GPBP1L1: variants seen among roughly 807,000 people sequenced by gnomAD.
GPBP1L1 encodes vasculin-like protein 1.
A neutral mutation model predicts 52.5 loss-of-function variants in GPBP1L1; 23 were observed. The observed-to-expected ratio is 0.44, with a 90% CI of 0.32 to 0.62. The LOEUF is 0.62. Ranked by LOEUF, GPBP1L1 falls within the 20% of genes least tolerant of loss-of-function variation. GPBP1L1 has a pLI of 0.06. For synonymous variants in GPBP1L1, 243 were observed against 203.1 expected (o/e 1.20, Z -1.67); for missense variants, 596 against 579.3 (o/e 1.03, Z -0.30).
chr1:45,679,277 A>G (rs974369596), intron 2 of GPBP1L1, among the ~76,000 whole-genome samples: 3 of 152,150 alleles, frequency 2.0e-5, no homozygotes, highest in African/African-American at 7.2e-5. Context: ...AACACGAAAA[A>G]CCAAAGGAAG....
intron 2 of GPBP1L1, among the ~76,000 whole-genome samples, chr1:45,679,112 G>T (rs1367856442): frequency 6.6e-6 from 1 of 152,132 alleles, no homozygotes; most frequent in Admixed American, 6.5e-5. Flanking sequence ...CTGATGTCCA[G>T]GCCTTACCCC....
intron 6 of GPBP1L1, among the ~76,000 whole-genome samples, chr1:45,642,998 T>G (rs1017614344): frequency 2.0e-5 from 3 of 152,162 alleles, no homozygotes; most frequent in African/African-American, 7.2e-5. Flanking sequence ...GGTCACAGTT[T>G]TGCTATAAAA....
At chr1:45,664,790 T>C (rs1644990305) in intron 2 of GPBP1L1, among the ~76,000 whole-genome samples, 1 of 151,366 alleles carries the variant, frequency 6.6e-6, no homozygotes, top group African/African-American at 2.4e-5. Context: ...GCAATTCTCA[T>C]GCCTCAGCCT....
chr1:45,632,572 T>G (rs1047711418), intron 10 of GPBP1L1, among the ~76,000 whole-genome samples: 2 of 151,238 alleles, frequency 1.3e-5, no homozygotes, highest in African/African-American at 4.9e-5. Flanking sequence ...AAAAATTAGC[T>G]GGGCGTGGTG....
chr1:45,675,817 A>C (rs1395767061), intron 2 of GPBP1L1, among the ~76,000 whole-genome samples: 3 of 152,236 alleles, frequency 2.0e-5, no homozygotes, highest in Non-Finnish European at 4.4e-5. Flanking sequence ...CTAGGATTAC[A>C]GGCATGAGCC....
chr1:45,679,856 G>C (rs3014231), intron 2 of GPBP1L1, among the ~76,000 whole-genome samples: 147,796 of 147,800 alleles, frequency 1, 73,896 homozygotes, highest in Middle Eastern at 1. Flanking sequence ...AAGTTCAAGA[G>C]CAGCCTGGAC....
chr1:45,674,330 A>G (rs1369959832), intron 2 of GPBP1L1, among the ~76,000 whole-genome samples: 2 of 152,242 alleles, frequency 1.3e-5, no homozygotes, highest in South Asian at 2.1e-4. Context: ...TAAAGACAGT[A>G]TGTCATAAAA....
chr1:45,634,112 A>C lies in GPBP1L1; in HGVS notation c.869T>G (p.Leu290Arg). The C allele has an allele frequency of 6.2e-7, 1 of 1,611,932 alleles. No individual in the cohort carries two copies. Among genetic ancestry groups the C allele is most frequent in the Non-Finnish European group, 8.5e-7 (1 of 1,178,590 alleles). Reference sequence around the variant, plus strand: ...CTCACTCACCTCTTTGGGAGAACTCAGAGCTGCACCACTAGCCAGTACCAC... The same window carrying C: ...CTCACTCACCTCTTTGGGAGAACTCCGAGCTGCACCACTAGCCAGTACCAC... ...KPVVLASGAA[L>R]SSPKESPSST... The change falls in exon 9 of 13, where the codon CTG becomes CGG. Residue 290 changes from leucine (L) to arginine (R), a missense_variant. Coordinates refer to ENST00000355105, the MANE Select transcript of GPBP1L1 (RefSeq NM_021639.5).
At chr1:45,658,568 T>C (rs577636704) in intron 4 of GPBP1L1, among the ~76,000 whole-genome samples, 4 of 152,360 alleles carry the variant, frequency 2.6e-5, no homozygotes, top group African/African-American at 4.8e-5. Flanking sequence ...TACATCCTTC[T>C]AACAGAAAGC....
intron 6 of GPBP1L1, 95 bp from the exon 7 acceptor site, chr1:45,642,594 T>A: frequency 1.3e-6 from 1 of 792,260 alleles, no homozygotes; most frequent in Non-Finnish European, 2.2e-6. Flanking sequence ...ATCAAATAAT[T>A]ACATATTTTA....
chr1:45,636,629 G>A (rs1015662679), intron 8 of GPBP1L1, among the ~76,000 whole-genome samples: 3 of 152,076 alleles, frequency 2.0e-5, no homozygotes, highest in African/African-American at 7.2e-5. Flanking sequence ...GCTTTCTAAT[G>A]AACTACTGTA....
intron 10 of GPBP1L1, among the ~76,000 whole-genome samples, chr1:45,632,396 C>G (rs967466376): frequency 6.6e-6 from 1 of 151,924 alleles, no homozygotes; most frequent in African/African-American, 2.4e-5. Context: ...GAGTGAAACT[C>G]CATCTCAAAA....
At chr1:45,654,856 T>C (rs1056756716) in intron 5 of GPBP1L1, 27 bp from the exon 6 acceptor site, 2 of 1,597,322 alleles carry the variant, frequency 1.3e-6, no homozygotes, top group African/African-American at 2.7e-5. Flanking sequence ...AAGGACTAAT[T>C]AGATTGTTTG....
chr1:45,649,493 C>T lies in GPBP1L1; in HGVS notation c.477+5050G>A, dbSNP rs181369592. Among the ~76,000 whole-genome samples, 7 of 151,038 alleles carry T rather than the reference C, an allele frequency of 4.6e-5. No individual in the cohort carries two copies. In the East Asian group the frequency reaches 1.2e-3, roughly 25 times the overall value. On this transcript the variant is annotated intron_variant, in intron 6 of 12. Coordinates refer to ENST00000355105, the MANE Select transcript of GPBP1L1 (RefSeq NM_021639.5). ...ATGGCCTTAACATTTTTGAAGACTA[C>T]AGGCCAGTTATTTTGCAATTCTTTT...
chr1:45,663,363 G>A (rs1019719854), intron 2 of GPBP1L1, among the ~76,000 whole-genome samples: 1 of 152,092 alleles, frequency 6.6e-6, no homozygotes, highest in Non-Finnish European at 1.5e-5. Flanking sequence ...ATCACCACTA[G>A]GTACCTTCCG....
Position 45,633,662 on chromosome 1 carries a change from C to A in GPBP1L1, c.886-15G>T, listed in dbSNP as rs200145476. On this transcript the variant is annotated splice_polypyrimidine_tract_variant and intron_variant, in intron 9 of 12. Coordinates refer to ENST00000355105, the MANE Select transcript of GPBP1L1 (RefSeq NM_021639.5). ...CTGGAGGGACTCTGGGCAAATACCA[C>A]AAACAGGTTGCTCCTGACAGCAAAG... 6.2e-7 allele frequency: 1 copy of A among 1,612,294 alleles called. No homozygotes were observed. The highest frequency in any genetic ancestry group is 1.3e-5 in the African/African-American group (1 of 74,900).
upstream of GPBP1L1, chr1:45,687,472 G>A (rs745558186): frequency 3.3e-5 from 5 of 152,314 alleles, no homozygotes; most frequent in African/African-American, 4.8e-5. Context: ...GGACTGGCCG[G>A]CGTGGGCCCC....
chr1:45,630,717 C>T, intron 10 of GPBP1L1, 111 bp from the exon 11 acceptor site: 1 of 1,204,850 alleles, frequency 8.3e-7, no homozygotes, highest in Non-Finnish European at 1.2e-6. Flanking sequence ...CAAAAGACAG[C>T]CTCAGCCCAC....
chr1:45,633,261 T>G (rs1644552805), intron 10 of GPBP1L1, among the ~76,000 whole-genome samples: 1 of 152,250 alleles, frequency 6.6e-6, no homozygotes. Flanking sequence ...GCAACCAAGA[T>G]GTACTTCAAT....
Sources: gnomAD v4.1 joint callset for allele counts (sites outside exome capture counted in the v4.1 genomes callset) on GRCh38, gnomAD v4.1.1 for gene constraint, MANE v1.5 for transcripts, NCBI Gene and HGNC (gene_info 2026-07-23, HGNC 2026-07-21) for gene names.